The following POFUT3 variants were observed in gnomAD, a reference collection of about 807,000 sequenced individuals.
POFUT3 encodes GDP-fucose protein O-fucosyltransferase 3.
At chr8:33,417,958 C>T in the POFUT3 span, among the ~76,000 whole-genome samples, 1 of 152,142 alleles carries the variant, frequency 6.6e-6, no homozygotes, top group Non-Finnish European at 1.5e-5. Context: ...TGCGACAGCA[C>T]CTCACCCTCA....
At chr8:33,329,822 T>C in the POFUT3 span, among the ~76,000 whole-genome samples, 1 of 152,236 alleles carries the variant, frequency 6.6e-6, no homozygotes, top group African/African-American at 2.4e-5. Flanking sequence ...ACATTTTAGT[T>C]ACTTTCTGTC....
chr8:33,372,945 C>T, the POFUT3 span: 1 of 744,124 alleles, frequency 1.3e-6, no homozygotes, highest in Non-Finnish European at 2.2e-6. Context: ...TATTGCCTCA[C>T]TTAATTCTTA....
At chr8:33,454,868 A>G in the POFUT3 span, among the ~76,000 whole-genome samples, 1 of 151,812 alleles carries the variant, frequency 6.6e-6, no homozygotes, top group Non-Finnish European at 1.5e-5. Flanking sequence ...GGGTTTCACT[A>G]TATTGGCCAG....
At chr8:33,438,727 G>A in the POFUT3 span, among the ~76,000 whole-genome samples, 1 of 152,194 alleles carries the variant, frequency 6.6e-6, no homozygotes, top group Non-Finnish European at 1.5e-5. Flanking sequence ...GAAGGCGAAA[G>A]GCATGTCTTA....
the POFUT3 span, among the ~76,000 whole-genome samples, chr8:33,392,612 C>T: frequency 3.3e-5 from 5 of 151,830 alleles, no homozygotes; most frequent in Admixed American, 1.3e-4. Flanking sequence ...AATAAAAACA[C>T]GTCATTTTGC....
At chr8:33,318,513 T>C in the POFUT3 span, among the ~76,000 whole-genome samples, 1 of 126,158 alleles carries the variant, frequency 7.9e-6, no homozygotes, top group Non-Finnish European at 1.6e-5. Context: ...TATAATATAT[T>C]ATGATTATAA....
At chr8:33,415,060 G>A in the POFUT3 span, among the ~76,000 whole-genome samples, 4 of 151,636 alleles carry the variant, frequency 2.6e-5, no homozygotes, top group South Asian at 2.1e-4. Context: ...CCAGGAGTTC[G>A]AGACCAGCCT....
the POFUT3 span, among the ~76,000 whole-genome samples, chr8:33,340,479 A>C: frequency 1.3e-5 from 2 of 151,878 alleles, no homozygotes; most frequent in South Asian, 4.2e-4. Context: ...ATACACTCCC[A>C]AAAAAAACCC....
At chr8:33,418,689 A>C in the POFUT3 span, among the ~76,000 whole-genome samples, 1 of 152,194 alleles carries the variant, frequency 6.6e-6, no homozygotes, top group Non-Finnish European at 1.5e-5. Flanking sequence ...AAAACTAAAA[A>C]CAGAGCTACC....
the POFUT3 span, among the ~76,000 whole-genome samples, chr8:33,314,819 C>T: frequency 2.6e-5 from 4 of 152,104 alleles, no homozygotes; most frequent in African/African-American, 4.8e-5. Context: ...AAGCCTCAAC[C>T]TCCTCATCTG....
the POFUT3 span, among the ~76,000 whole-genome samples, chr8:33,466,295 GGT>G: frequency 2.1e-4 from 32 of 152,166 alleles, no homozygotes; most frequent in African/African-American, 7.7e-4. Flanking sequence ...TGGGCATGGT[GGT>G]GCATGTCTGT....
the POFUT3 span, among the ~76,000 whole-genome samples, chr8:33,367,320 T>C: frequency 6.6e-6 from 1 of 152,232 alleles, no homozygotes; most frequent in Non-Finnish European, 1.5e-5. Context: ...GCATGAGCGA[T>C]CTGTGCCTTA....
the POFUT3 span, among the ~76,000 whole-genome samples, chr8:33,309,197 TATACACAC>T: frequency 2.7e-3 from 276 of 103,762 alleles, 24 homozygotes; most frequent in African/African-American, 9.1e-3. Flanking sequence ...TATATATATA[TATACACAC>T]ACATATTTTT....
chr8:33,372,061 TGAA>T, the POFUT3 span: 1 of 718,742 alleles, frequency 1.4e-6, no homozygotes, highest in African/African-American at 1.9e-5. Flanking sequence ...TCTTTTCACT[TGAA>T]GAGTGGATAG....
At chr8:33,375,092 A>G in the POFUT3 span, among the ~76,000 whole-genome samples, 2 of 151,656 alleles carry the variant, frequency 1.3e-5, no homozygotes, top group Non-Finnish European at 2.9e-5. Context: ...GGGTTTCACC[A>G]TGTTGTCCAG....
At chr8:33,346,865 T>C in the POFUT3 span, among the ~76,000 whole-genome samples, 3 of 152,308 alleles carry the variant, frequency 2.0e-5, no homozygotes, top group East Asian at 5.8e-4. Context: ...CCCATGTGAA[T>C]GTCACAGTTA....
the POFUT3 span, among the ~76,000 whole-genome samples, chr8:33,378,476 G>C: frequency 6.6e-6 from 1 of 152,140 alleles, no homozygotes; most frequent in Admixed American, 6.5e-5. Context: ...ACAAGGCAGA[G>C]CTTGGCTGCC....
At chr8:33,349,091 A>C in the POFUT3 span, among the ~76,000 whole-genome samples, 15 of 152,348 alleles carry the variant, frequency 9.8e-5, no homozygotes, top group African/African-American at 3.6e-4. Context: ...TGGAGCGTGC[A>C]TCTAGAGAAG....
chr8:33,454,206 T>G, the POFUT3 span, among the ~76,000 whole-genome samples: 1 of 152,210 alleles, frequency 6.6e-6, no homozygotes, highest in Non-Finnish European at 1.5e-5. Flanking sequence ...TGGGTCTCAC[T>G]GGGCTAAGAC....
Sources: gnomAD v4.1 joint callset for allele counts (sites outside exome capture counted in the v4.1 genomes callset) on GRCh38, gnomAD v4.1.1 for gene constraint, MANE v1.5 for transcripts, NCBI Gene and HGNC (gene_info 2026-07-23, HGNC 2026-07-21) for gene names.